STRN3: variants seen among roughly 807,000 people sequenced by gnomAD.
STRN3 encodes striatin-3.
Under a neutral mutation model 95.6 loss-of-function variants are expected in STRN3, and 29 were observed. That is an observed-to-expected ratio of 0.30 (90% CI 0.23 to 0.41). STRN3 has a LOEUF of 0.41. STRN3 is among the 10% of genes least tolerant of loss of function. The pLI is 1.00. For synonymous variants in STRN3, 331 were observed against 357.6 expected (o/e 0.93, Z 0.84); for missense variants, 890 against 972.1 (o/e 0.92, Z 1.12).
chr14:30,959,468 G>A (rs1880081918), intron 1 of STRN3, among the ~76,000 whole-genome samples: 1 of 151,812 alleles, frequency 6.6e-6, no homozygotes. Context: ...GTATCTAGAG[G>A]GTAAACTGAT....
At position 31,017,886 on chromosome 14, in the gene STRN3, G is replaced by T. The variant is rs146725406; in HGVS notation, c.282+8018C>A. 5.3e-3 allele frequency among the ~76,000 whole-genome samples: 804 copies of T among 151,996 alleles called. 5 individuals are homozygous for T. The highest frequency in any genetic ancestry group is 0.018 in the African/African-American group (764 of 41,440). ...AGGTCAGGAGTTCAAGACCAGCCTG[G>T]CCAACATGGTGAAACCCCGTATCTA... On this transcript the variant is annotated intron_variant, in intron 1 of 17. Transcript: ENST00000357479.
Position 30,895,404 on chromosome 14 carries a change from T to C in STRN3, c.*7A>G, listed in dbSNP as rs933770822. On this transcript the variant is annotated 3_prime_UTR_variant, in exon 18 of 18. Coordinates refer to ENST00000357479, the MANE Select transcript of STRN3 (RefSeq NM_001083893.2). Reference sequence around the variant, plus strand: ...CAAATCTTGTTACGATGCAAGTTTTTGTTGATTCATACAAATACTTTGGCA... The same window carrying C: ...CAAATCTTGTTACGATGCAAGTTTTCGTTGATTCATACAAATACTTTGGCA... The C allele has an allele frequency of 6.3e-7, 1 of 1,589,756 alleles. No homozygotes were observed. The highest frequency in any genetic ancestry group is 1.4e-5 in the African/African-American group (1 of 73,992).
At chr14:30,912,228 G>T in intron 10 of STRN3, 46 bp from the exon 11 acceptor site, 1 of 1,573,968 alleles carries the variant, frequency 6.4e-7, no homozygotes, top group Non-Finnish European at 8.7e-7. Flanking sequence ...TAGTAAACTG[G>T]AAGGCATGTG....
intron 15 of STRN3, among the ~76,000 whole-genome samples, chr14:30,904,630 A>G (rs755169827): frequency 2.0e-5 from 3 of 152,148 alleles, no homozygotes; most frequent in Non-Finnish European, 2.9e-5. Context: ...TGGAGAGGGA[A>G]TGATAAAATT....
chr14:30,960,865 T>C (rs1157586115), intron 1 of STRN3, among the ~76,000 whole-genome samples: 1 of 75,224 alleles, frequency 1.3e-5, no homozygotes, highest in Non-Finnish European at 2.3e-5. Flanking sequence ...TGAGACTCCA[T>C]CTCAAAAAAA....
intron 8 of STRN3, among the ~76,000 whole-genome samples, chr14:30,925,219 G>C (rs1218262424): frequency 3.4e-5 from 5 of 148,868 alleles, no homozygotes; most frequent in Non-Finnish European, 7.4e-5. Context: ...TTTTCCTCTT[G>C]CTGGGGGGAG....
At chr14:30,953,541 A>G (rs1879754802) in intron 3 of STRN3, among the ~76,000 whole-genome samples, 1 of 152,218 alleles carries the variant, frequency 6.6e-6, no homozygotes, top group Admixed American at 6.5e-5. Context: ...TTTTCACTGT[A>G]AATAATGATG....
intron 1 of STRN3, among the ~76,000 whole-genome samples, chr14:30,977,434 A>C (rs994553532): frequency 1.3e-5 from 2 of 151,968 alleles, no homozygotes; most frequent in African/African-American, 2.4e-5. Context: ...GCTAGCAAAA[A>C]AGGGGGAAAG....
At chr14:31,006,740 A>G (rs896021279) in intron 1 of STRN3, among the ~76,000 whole-genome samples, 1 of 152,008 alleles carries the variant, frequency 6.6e-6, no homozygotes, top group Non-Finnish European at 1.5e-5. Context: ...CATACAAAAA[A>G]AAAGGATCTA....
chr14:30,964,432 T>TC (rs1330962787), intron 1 of STRN3: 12 of 154,300 alleles, frequency 7.8e-5, no homozygotes, highest in African/African-American at 2.7e-4. Flanking sequence ...GCACCATTTG[T>TC]CCCCCATTGG....
chr14:30,915,779 T>A (rs1046908812), intron 9 of STRN3, among the ~76,000 whole-genome samples: 2 of 152,100 alleles, frequency 1.3e-5, no homozygotes, highest in Non-Finnish European at 2.9e-5. Flanking sequence ...GACACAAATC[T>A]CAAAAGCCCA....
At chr14:30,904,201 A>T (rs1896400650) in intron 15 of STRN3, among the ~76,000 whole-genome samples, 1 of 152,130 alleles carries the variant, frequency 6.6e-6, no homozygotes, top group South Asian at 2.1e-4. Flanking sequence ...CACAAAATGA[A>T]CAACATGAAC....
Position 30,929,197 on chromosome 14 carries a change from TTAC to T in STRN3, c.1099+1_1099+3del. 6.2e-7 allele frequency: 1 copy of T among 1,602,786 alleles called. No homozygotes were observed. Among genetic ancestry groups the T allele is most frequent in the Middle Eastern group, 1.7e-4 (1 of 6,034 alleles). ...AAATTATAATAGTCAGAATCTGCAC[TTAC>T]TCTTCACCCCTTTCTTCCCCTTTCG... On this transcript the variant is annotated splice_donor_variant and splice_donor_region_variant and intron_variant, in intron 8 of 17. Transcript: ENST00000357479. LOFTEE classifies it high-confidence loss of function.
Position 31,026,112 on chromosome 14 carries a change from C to T in STRN3, c.74G>A (p.Gly25Glu), listed in dbSNP as rs765951568. ...AAPPRQQQGP[G>E]GNLGLSPGGN... is the part of the protein sequence containing the mutation. The stretch of plus-strand genomic sequence containing the variant: ...CCCGGGCGAAAGGCCCAGGTTCCCC[C>T]CAGGTCCCTGCTGCTGCCGGGGAGG... The change falls in exon 1 of 18, where the codon GGG becomes GAG. Residue 25 changes from glycine to glutamate, a missense_variant. Transcript: ENST00000357479. The T allele has an allele frequency of 9.4e-5, 142 of 1,515,372 alleles. No homozygotes were observed. Among genetic ancestry groups the T allele is most frequent in the Non-Finnish European group, 1.2e-4 (133 of 1,135,574 alleles). The allele number at this position is 1,515,372 out of a possible 1,614,324, so 93.9% of individuals were successfully genotyped here. A position where few individuals can be genotyped will look rare whatever the true frequency, so the allele number is the denominator to read the frequency against.
In STRN3 at chr14:30,894,714, A is replaced by C. The variant is rs147968034; in HGVS notation, c.*697T>G. 2.5e-3 allele frequency: 440 copies of C among 176,668 alleles called. 6 individuals carry two copies. The highest frequency in any genetic ancestry group is 1.0e-2 in the African/African-American group (417 of 41,788). 10.9% of individuals were successfully genotyped at this position (176,668 alleles called of 1,614,324 possible). A position where few individuals can be genotyped will look rare whatever the true frequency, so the allele number is the denominator to read the frequency against. On this transcript the variant is annotated 3_prime_UTR_variant, in exon 18 of 18. Coordinates refer to ENST00000357479, the MANE Select transcript of STRN3 (RefSeq NM_001083893.2). ...CAAAAGAAGGAAAGAAAGTGGTTAC[A>C]GGGCAACGGGTCAGTGAGATCTCTG...
At chr14:31,010,333 A>C in intron 1 of STRN3, among the ~76,000 whole-genome samples, 1 of 147,896 alleles carries the variant, frequency 6.8e-6, no homozygotes, top group African/African-American at 2.5e-5. Flanking sequence ...GCACCCATTA[A>C]CTCGTCATTT....
At chr14:30,904,786 A>T (rs1238303244) in intron 15 of STRN3, among the ~76,000 whole-genome samples, 3 of 152,230 alleles carry the variant, frequency 2.0e-5, no homozygotes, top group Admixed American at 1.3e-4. Context: ...ACATTTAAAA[A>T]TTTTTAAAAG....
At chr14:31,011,730 A>G (rs1427052016) in intron 1 of STRN3, among the ~76,000 whole-genome samples, 2 of 152,236 alleles carry the variant, frequency 1.3e-5, no homozygotes, top group South Asian at 2.1e-4. Flanking sequence ...AGAAAGATTC[A>G]TAAAAACAGA....
At chr14:30,927,379 A>AT (rs1386998633) in intron 8 of STRN3, among the ~76,000 whole-genome samples, 24 of 151,760 alleles carry the variant, frequency 1.6e-4, no homozygotes, top group African/African-American at 5.6e-4. Flanking sequence ...TAAAAAAAAA[A>AT]TTTTAAGAAA....
Sources: gnomAD v4.1 joint callset for allele counts (sites outside exome capture counted in the v4.1 genomes callset) on GRCh38, gnomAD v4.1.1 for gene constraint, MANE v1.5 for transcripts, NCBI Gene and HGNC (gene_info 2026-07-23, HGNC 2026-07-21) for gene names.